TNNI3K: variants seen among roughly 807,000 people sequenced by gnomAD.
TNNI3K encodes the protein TNNI3 interacting kinase, also known as serine/threonine-protein kinase TNNI3K.
Under a neutral mutation model 114.5 loss-of-function variants are expected in TNNI3K, and 140 were observed. The ratio of observed to expected loss-of-function variants is 1.22; its 90% CI spans 1.07 to 1.41. The LOEUF (loss-of-function observed/expected upper bound fraction) is 1.41, where lower values mean the gene tolerates loss of function less well. Among genes scored for constraint, TNNI3K ranks in the 40% most tolerant of loss-of-function variants. TNNI3K has a pLI of 0.00. For synonymous variants in TNNI3K, 347 were observed against 347.5 expected (o/e 1.00, Z 0.02); for missense variants, 1,125 against 1,007.6 (o/e 1.12, Z -1.58).
chr1:74,414,570 T>C (rs7517774), intron 17 of TNNI3K, among the ~76,000 whole-genome samples: 92,600 of 152,120 alleles, frequency 0.61, 32,830 homozygotes, highest in East Asian at 0.81. Context: ...TGAACTTAGT[T>C]TAAAAATATT....
At chr1:74,415,602 GTTA>G (rs1277782231) in intron 17 of TNNI3K, among the ~76,000 whole-genome samples, 19 of 151,814 alleles carry the variant, frequency 1.3e-4, no homozygotes, top group African/African-American at 4.6e-4. Flanking sequence ...AATCACATTT[GTTA>G]TTATAACTTA....
chr1:74,331,665 A>C, intron 6 of TNNI3K, 117 bp downstream of exon 6: 1 of 929,500 alleles, frequency 1.1e-6, no homozygotes, highest in East Asian at 2.8e-5. Flanking sequence ...TTTTTGCCAT[A>C]TTCTCATCAA....
chr1:74,372,370 C>T (rs911728420), intron 17 of TNNI3K: 59 of 151,712 alleles, frequency 3.9e-4, no homozygotes, highest in Admixed American at 3.0e-3. Flanking sequence ...AGCTATTTTT[C>T]TCTTCTCAGA....
intron 21 of TNNI3K, among the ~76,000 whole-genome samples, chr1:74,487,186 A>G (rs1204092187): frequency 5.3e-5 from 8 of 152,154 alleles, no homozygotes; most frequent in Non-Finnish European, 1.5e-5. Context: ...AGATTAAACA[A>G]TACAGAAGGA....
At chr1:74,270,555 A>G (rs1656279997) in intron 4 of TNNI3K, among the ~76,000 whole-genome samples, 1 of 151,790 alleles carries the variant, frequency 6.6e-6, no homozygotes, top group Non-Finnish European at 1.5e-5. Context: ...CTCTTTACCA[A>G]AGTTTTTTCA....
chr1:74,253,124 T>G (rs1486099282), intron 4 of TNNI3K, among the ~76,000 whole-genome samples: 2 of 152,172 alleles, frequency 1.3e-5, no homozygotes, highest in African/African-American at 2.4e-5. Context: ...AATTGGTGCA[T>G]CCACAAACCC....
intron 17 of TNNI3K, among the ~76,000 whole-genome samples, chr1:74,421,950 TTTATTATTATTA>T (rs137874168): frequency 0.22 from 31,247 of 145,266 alleles, 3,855 homozygotes; most frequent in Middle Eastern, 0.3. Context: ...CTGGATTGCT[TTTATTATTATTA>T]TTATTATTAT....
intron 23 of TNNI3K, among the ~76,000 whole-genome samples, chr1:74,521,015 C>T (rs182890910): frequency 1.0e-3 from 154 of 152,228 alleles, no homozygotes; most frequent in Non-Finnish European, 1.8e-3. Flanking sequence ...AGCACAGATC[C>T]ACCTTCTCTG....
intron 13 of TNNI3K, among the ~76,000 whole-genome samples, chr1:74,368,720 C>T (rs1570532314): frequency 6.6e-6 from 1 of 151,570 alleles, no homozygotes. Context: ...AGACCCTTAG[C>T]GCTGGTAACC....
chr1:74,406,447 G>A (rs1664617755), intron 17 of TNNI3K, among the ~76,000 whole-genome samples: 1 of 152,152 alleles, frequency 6.6e-6, no homozygotes, highest in South Asian at 2.1e-4. Context: ...TCTAGAGGTT[G>A]CAATCCTTGC....
Position 74,320,055 on chromosome 1 carries a change from C to T in TNNI3K, c.445-11395C>T, listed in dbSNP as rs116688197. Among the ~76,000 whole-genome samples the T allele has an allele frequency of 2.6e-3, 390 of 152,236 alleles. 1 individual carries two copies. Among genetic ancestry groups the T allele is most frequent in the South Asian group, 0.018 (87 of 4,818 alleles). ...GTCCCATCTGCAATTATATCTTGTT[C>T]ATTTCTGTTTCTGAAGCCAAAACTA... On this transcript the variant is annotated intron_variant, in intron 5 of 24. Coordinates refer to ENST00000326637, the MANE Select transcript of TNNI3K (RefSeq NM_015978.3).
intron 23 of TNNI3K, among the ~76,000 whole-genome samples, chr1:74,518,849 T>C (rs1236900104): frequency 3.3e-5 from 4 of 120,880 alleles, no homozygotes; most frequent in Admixed American, 8.0e-5. Flanking sequence ...TACTTTATTT[T>C]TTATTTTATT....
intron 4 of TNNI3K, among the ~76,000 whole-genome samples, chr1:74,256,283 C>CTTTT (rs61636791): frequency 1.9e-4 from 8 of 42,806 alleles, no homozygotes; most frequent in Non-Finnish European, 3.0e-4. Context: ...TGTGGTCAGT[C>CTTTT]TTTTTTTTTT....
Position 74,288,334 on chromosome 1 carries a change from T to C in TNNI3K, c.444+16626T>C, listed in dbSNP as rs534904266. ...GCAACATTATTCACAATAGCCAAGA[T>C]GTGAAATCAACCAATCAACCTAAGT... On this transcript the variant is annotated intron_variant, in intron 5 of 24. Transcript: ENST00000326637. 8.3e-4 allele frequency among the ~76,000 whole-genome samples: 127 copies of C among 152,266 alleles called. 1 individual carries two copies. The highest frequency in any genetic ancestry group is 8.1e-4 in the Non-Finnish European group (55 of 67,972).
Position 74,296,517 on chromosome 1 carries a change from C to A in TNNI3K, c.444+24809C>A, listed in dbSNP as rs186484764. 2.6e-5 allele frequency among the ~76,000 whole-genome samples: 4 copies of A among 151,746 alleles called. No homozygotes were observed. In the East Asian group the frequency reaches 7.7e-4, roughly 29 times the overall value. On this transcript the variant is annotated intron_variant, in intron 5 of 24. Coordinates refer to ENST00000326637, the MANE Select transcript of TNNI3K (RefSeq NM_015978.3). ...TTTACCCTTTCCATAGCTATTTATT[C>A]CATTCTGTGTGTCTGTTATTCTCTC...
intron 23 of TNNI3K, among the ~76,000 whole-genome samples, chr1:74,496,985 C>T (rs979297905): frequency 6.6e-6 from 1 of 152,104 alleles, no homozygotes; most frequent in Non-Finnish European, 1.5e-5. Flanking sequence ...AAGAAGAAAA[C>T]CAGGGATCCA....
At position 74,306,419 on chromosome 1, in the gene TNNI3K, G is replaced by A. The variant is rs187942926; in HGVS notation, c.445-25031G>A. 2.4e-4 allele frequency among the ~76,000 whole-genome samples: 36 copies of A among 152,316 alleles called. 1 individual carries two copies. In the Middle Eastern group the frequency reaches 0.01, roughly 43 times the overall value. On this transcript the variant is annotated intron_variant, in intron 5 of 24. Coordinates refer to ENST00000326637, the MANE Select transcript of TNNI3K (RefSeq NM_015978.3). ...CAGTAATGGGATTGCTGGATCAAAT[G>A]GTAGTTCTATTTTCAATTTTTGCAA...
At chr1:74,484,345 A>T (rs990727623) in intron 21 of TNNI3K, among the ~76,000 whole-genome samples, 8 of 152,178 alleles carry the variant, frequency 5.3e-5, no homozygotes, top group African/African-American at 1.7e-4. Flanking sequence ...GCATTTGTAG[A>T]TCACCTTCTG....
At chr1:74,363,728 G>C (rs1220904669) in intron 11 of TNNI3K, among the ~76,000 whole-genome samples, 3 of 151,852 alleles carry the variant, frequency 2.0e-5, no homozygotes, top group Non-Finnish European at 4.4e-5. Flanking sequence ...TAAATGTAGG[G>C]GTTTGGGTTG....
Sources: gnomAD v4.1 joint callset for allele counts (sites outside exome capture counted in the v4.1 genomes callset) on GRCh38, gnomAD v4.1.1 for gene constraint, MANE v1.5 for transcripts, NCBI Gene and HGNC (gene_info 2026-07-23, HGNC 2026-07-21) for gene names.